DMD: variants seen among roughly 807,000 people sequenced by gnomAD.
DMD encodes mutant dystrophin.
DMD carries 63 observed loss-of-function variants against 330.1 expected under a neutral mutation model. That is an observed-to-expected ratio of 0.19 (90% confidence interval 0.16 to 0.24). The LOEUF is 0.24. Among genes scored for constraint, DMD ranks in the 10% least tolerant of loss-of-function variants. The probability of loss-of-function intolerance (pLI) is 1.00; values close to 1 mark genes in which losing one functional copy is unlikely to be tolerated. For synonymous variants in DMD, 1,223 were observed against 959.8 expected (o/e 1.27, Z -5.07); for missense variants, 3,344 against 2,684.1 (o/e 1.25, Z -5.43).
chrX:31,867,090 T>TGA (rs2093811349), intron 48 of DMD, among the ~76,000 whole-genome samples: 1 of 56,854 alleles, frequency 1.8e-5, no homozygotes, highest in South Asian at 5.9e-4. Flanking sequence ...CAACATATTT[T>TGA]GATATATATA....
intron 2 of DMD, among the ~76,000 whole-genome samples, chrX:32,919,826 T>C (rs982436835): frequency 1.8e-5 from 2 of 111,652 alleles, no homozygotes; most frequent in African/African-American, 6.5e-5. Flanking sequence ...TATAACTATA[T>C]ATACCCTTCT....
intron 9 of DMD, among the ~76,000 whole-genome samples, chrX:32,678,669 C>T (rs1456722060): frequency 9.0e-6 from 1 of 111,468 alleles, no homozygotes; most frequent in Non-Finnish European, 1.9e-5. Flanking sequence ...CTACTCCTCC[C>T]TCATTCTCTC....
At chrX:32,192,866 T>C (rs2096982050) in intron 44 of DMD, among the ~76,000 whole-genome samples, 1 of 112,165 alleles carries the variant, frequency 8.9e-6, no homozygotes, top group African/African-American at 3.2e-5. Flanking sequence ...TAACTTTTAT[T>C]TTTCTGATTA....
At chrX:31,313,096 A>G (rs748786920) in intron 62 of DMD, among the ~76,000 whole-genome samples, 2 of 106,724 alleles carry the variant, frequency 1.9e-5, no homozygotes, top group Non-Finnish European at 3.9e-5. Flanking sequence ...TTTTTAGAAG[A>G]AAAAAAGAAA....
At chrX:32,937,326 T>C (rs2090089410) in intron 2 of DMD, among the ~76,000 whole-genome samples, 1 of 109,404 alleles carries the variant, frequency 9.1e-6, no homozygotes, top group African/African-American at 3.3e-5. Flanking sequence ...TCTTATCCAC[T>C]GTACTCCTCC....
chrX:31,261,083 G>T, intron 62 of DMD, 67 bp from the exon 63 acceptor site: 2 of 971,091 alleles, frequency 2.1e-6, no homozygotes, highest in Non-Finnish European at 1.5e-6. Context: ...CAGGAAAAAA[G>T]AAAACAACAA....
At chrX:33,084,968 T>C (rs1199879201) in intron 1 of DMD, among the ~76,000 whole-genome samples, 1 of 109,970 alleles carries the variant, frequency 9.1e-6, no homozygotes. Context: ...CTTTTAGTAA[T>C]GAATTCTAAT....
intron 26 of DMD, among the ~76,000 whole-genome samples, chrX:32,449,716 C>G (rs1168522032): frequency 1.8e-5 from 2 of 109,602 alleles, no homozygotes; most frequent in African/African-American, 6.6e-5. Context: ...GAGACATTTA[C>G]ACTCCTTAAC....
intron 7 of DMD, among the ~76,000 whole-genome samples, chrX:32,728,896 C>T (rs1172720114): frequency 8.9e-6 from 1 of 111,742 alleles, no homozygotes; most frequent in African/African-American, 3.3e-5. Context: ...TTCCATCTTG[C>T]CATGCCAAAC....
At chrX:32,150,041 T>C (rs2096796530) in intron 44 of DMD, among the ~76,000 whole-genome samples, 1 of 112,050 alleles carries the variant, frequency 8.9e-6, no homozygotes, top group South Asian at 3.7e-4. Flanking sequence ...TCCATCTCTC[T>C]CTTTACACAG....
intron 44 of DMD, among the ~76,000 whole-genome samples, chrX:32,081,835 C>T (rs750059762): frequency 3.0e-4 from 33 of 110,169 alleles, no homozygotes; most frequent in Middle Eastern, 4.7e-3. Context: ...ACATGGACAA[C>T]GAGAGCAAAA....
At position 32,359,843 on chromosome X, in the gene DMD, C is replaced by A. The variant is rs189160158; in HGVS notation, c.5325+2945G>T. On this transcript the variant is annotated intron_variant, in intron 37 of 78. Coordinates refer to ENST00000357033, the MANE Select transcript of DMD (RefSeq NM_004006.3). ...CCCCATCTAGTAACTCTATTATTTT[C>A]CAATTTATTAATTTAATTTTAAATA... is the stretch of plus-strand genomic sequence containing the variant. Among the ~76,000 whole-genome samples the A allele has an allele frequency of 6.9e-3, 756 of 109,537 alleles. 8 individuals carry two copies. Among genetic ancestry groups the A allele is most frequent in the African/African-American group, 0.023 (701 of 30,284 alleles).
intron 1 of DMD, among the ~76,000 whole-genome samples, chrX:33,305,909 T>A (rs1037321576): frequency 8.9e-6 from 1 of 112,102 alleles, no homozygotes; most frequent in Non-Finnish European, 1.9e-5. Context: ...TACTGAAGTC[T>A]GTGCCCAAAT....
intron 1 of DMD, among the ~76,000 whole-genome samples, chrX:33,048,146 G>A (rs2147979786): frequency 8.9e-6 from 1 of 111,841 alleles, no homozygotes; most frequent in African/African-American, 3.2e-5. Flanking sequence ...ATATAATTAT[G>A]GATACAGACA....
chrX:33,016,203 G>A (rs899030466), intron 2 of DMD, among the ~76,000 whole-genome samples: 1 of 111,193 alleles, frequency 9.0e-6, no homozygotes, highest in Admixed American at 9.6e-5. Context: ...GATTTAGCCG[G>A]AGATAAGATA....
rs1353762655 is a variant in DMD at position 31,204,133 on chromosome X, G to A, written c.9650-15C>T. 1 of 1,207,765 alleles carries A rather than the reference G, an allele frequency of 8.3e-7. No homozygotes were observed. The highest frequency in any genetic ancestry group is 1.8e-5 in the South Asian group (1 of 56,484). Reference sequence around the variant, plus strand: ...CTTGAAAAGGTCTACAAAGGAAGAAGAAAATTGCAACAGTCAAAACACAGC... The same window carrying A: ...CTTGAAAAGGTCTACAAAGGAAGAAAAAAATTGCAACAGTCAAAACACAGC... On this transcript the variant is annotated splice_polypyrimidine_tract_variant and intron_variant, in intron 66 of 78. Coordinates refer to ENST00000357033, the MANE Select transcript of DMD (RefSeq NM_004006.3).
intron 60 of DMD, among the ~76,000 whole-genome samples, chrX:31,361,442 C>T (rs5927737): frequency 0.28 from 30,879 of 109,813 alleles, 3,246 homozygotes; most frequent in East Asian, 0.56. Context: ...GCAGCTGAGA[C>T]GAATTAGAGA....
intron 42 of DMD, among the ~76,000 whole-genome samples, chrX:32,293,792 A>T (rs1357303186): frequency 8.9e-6 from 1 of 111,988 alleles, no homozygotes; most frequent in Admixed American, 9.5e-5. Flanking sequence ...CAATATATCC[A>T]TGTAACAAAC....
At chrX:32,367,428 A>AGG in intron 34 of DMD, among the ~76,000 whole-genome samples, 1 of 112,549 alleles carries the variant, frequency 8.9e-6, no homozygotes, top group South Asian at 3.6e-4. Context: ...CCCTTCACAA[A>AGG]GTTGAAGCTT....
Sources: allele counts gnomAD v4.1 joint callset (sites outside exome capture counted in the v4.1 genomes callset), GRCh38; gene constraint gnomAD v4.1.1; transcripts MANE v1.5; gene names NCBI Gene and HGNC (gene_info 2026-07-23, HGNC 2026-07-21).